The following ARHGAP22 variants were observed in gnomAD, a reference collection of about 807,000 sequenced individuals.
The protein encoded by ARHGAP22 is rho GTPase-activating protein 22.
Under a neutral mutation model 59.1 loss-of-function variants are expected in ARHGAP22, and 48 were observed. The ratio of observed to expected loss-of-function variants is 0.81; its 90% CI spans 0.64 to 1.03. The LOEUF (loss-of-function observed/expected upper bound fraction) is 1.03, where lower values mean the gene tolerates loss of function less well. Ranked by LOEUF, ARHGAP22 falls within the 50% of genes least tolerant of loss-of-function variation. The pLI, the probability that ARHGAP22 is intolerant of heterozygous loss-of-function variation, is 0.00. For missense variants in ARHGAP22, 1,015 were observed against 958.7 expected (o/e 1.06, Z -0.78); for synonymous variants, 445 against 416.4 (o/e 1.07, Z -0.84).
chr10:48,567,211 C>T (rs1305087856), intron 2 of ARHGAP22, among the ~76,000 whole-genome samples: 1 of 152,236 alleles, frequency 6.6e-6, no homozygotes, highest in Non-Finnish European at 1.5e-5. Context: ...CACTGTATTC[C>T]TGAGCCCTGC....
intron 3 of ARHGAP22, among the ~76,000 whole-genome samples, chr10:48,530,111 T>A (rs1434009933): frequency 6.6e-6 from 1 of 151,830 alleles, no homozygotes. Context: ...GTGGTGGTCA[T>A]CTGTATTCCC....
At chr10:48,546,314 G>A (rs933469193) in intron 3 of ARHGAP22, among the ~76,000 whole-genome samples, 67 of 152,224 alleles carry the variant, frequency 4.4e-4, no homozygotes, top group African/African-American at 1.6e-3. Context: ...TCTACCCTGA[G>A]TGATCTTTCT....
chr10:48,479,414 A>G (rs2049056024), intron 4 of ARHGAP22, among the ~76,000 whole-genome samples: 1 of 152,110 alleles, frequency 6.6e-6, no homozygotes, highest in African/African-American at 2.4e-5. Context: ...GTACATTTAG[A>G]TGTCTAATAC....
In ARHGAP22 at chr10:48,523,041, T is replaced by C. The variant is rs550049221; in HGVS notation, c.322+32422A>G. ...GTACATTGATGGCACCATTCTCACC[T>C]GGACAAGGTCGAAGGCTGCCTGACC... On this transcript the variant is annotated intron_variant, in intron 3 of 9. Coordinates refer to ENST00000249601, the MANE Select transcript of ARHGAP22 (RefSeq NM_021226.4). Among the ~76,000 whole-genome samples the C allele has an allele frequency of 5.3e-4, 81 of 152,370 alleles. 1 individual carries two copies. Among genetic ancestry groups the C allele is most frequent in the Non-Finnish European group, 7.8e-4 (53 of 68,028 alleles).
intron 3 of ARHGAP22, among the ~76,000 whole-genome samples, chr10:48,486,060 A>T (rs2049829023): frequency 6.6e-6 from 1 of 151,790 alleles, no homozygotes; most frequent in South Asian, 2.1e-4. Flanking sequence ...TTTGTTTTTA[A>T]TGACTTCATT....
At chr10:48,551,802 T>C (rs2056915124) in intron 3 of ARHGAP22, among the ~76,000 whole-genome samples, 1 of 152,226 alleles carries the variant, frequency 6.6e-6, no homozygotes, top group South Asian at 2.1e-4. Context: ...ACCAGAGGTG[T>C]ATGCTGTATC....
intron 3 of ARHGAP22, among the ~76,000 whole-genome samples, chr10:48,545,714 C>T (rs972994340): frequency 2.0e-5 from 3 of 152,190 alleles, no homozygotes; most frequent in African/African-American, 7.2e-5. Flanking sequence ...GTCAGGCCTC[C>T]CTTTAAGACA....
chr10:48,591,547 G>A (rs1027631359), intron 1 of ARHGAP22, among the ~76,000 whole-genome samples: 1 of 152,284 alleles, frequency 6.6e-6, no homozygotes, highest in Admixed American at 6.5e-5. Context: ...ATAAGATACC[G>A]CACTGTGTAC....
downstream of ARHGAP22, among the ~76,000 whole-genome samples, chr10:48,442,229 C>A (rs966770366): frequency 2.9e-4 from 44 of 152,296 alleles, no homozygotes; most frequent in Non-Finnish European, 5.6e-4. Context: ...TGGGGCTGTG[C>A]TTTGTCATCT....
intron 3 of ARHGAP22, among the ~76,000 whole-genome samples, chr10:48,505,272 C>T (rs907431902): frequency 6.6e-6 from 1 of 152,064 alleles, no homozygotes; most frequent in Non-Finnish European, 1.5e-5. Context: ...CCAGGCTGGT[C>T]TCGAACTCCT....
intron 3 of ARHGAP22, among the ~76,000 whole-genome samples, chr10:48,534,643 A>C (rs1171739198): frequency 6.6e-6 from 1 of 152,248 alleles, no homozygotes; most frequent in Non-Finnish European, 1.5e-5. Flanking sequence ...CATTCTGCAT[A>C]AATTAACTCA....
intron 3 of ARHGAP22, among the ~76,000 whole-genome samples, chr10:48,533,480 AG>A (rs1206954365): frequency 6.6e-6 from 1 of 152,196 alleles, no homozygotes. Flanking sequence ...GCATTTTCTC[AG>A]GCTCTCAATT....
intron 1 of ARHGAP22, among the ~76,000 whole-genome samples, chr10:48,632,549 T>G (rs2061663727): frequency 6.6e-6 from 1 of 152,220 alleles, no homozygotes; most frequent in African/African-American, 2.4e-5. Flanking sequence ...TTTCAAGATT[T>G]TCTCTGTCTT....
rs184172331 is a variant in ARHGAP22 at position 48,564,798 on chromosome 10, G to A, written c.235-9248C>T. 5.0e-4 allele frequency among the ~76,000 whole-genome samples: 76 copies of A among 152,330 alleles called. 1 individual carries two copies. In the East Asian group the frequency reaches 0.014, roughly 29 times the overall value. On this transcript the variant is annotated intron_variant, in intron 2 of 9. Transcript: ENST00000249601. ...CAGTCCCCTCAAGCTTCCTCAGACT[G>A]AAATAAAGTGGCAAGTACTTTCCAG...
At chr10:48,626,151 G>T (rs893329434) in intron 1 of ARHGAP22, among the ~76,000 whole-genome samples, 5 of 152,264 alleles carry the variant, frequency 3.3e-5, no homozygotes, top group African/African-American at 1.2e-4. Context: ...TATTATGCTG[G>T]TTTCTTACAC....
At chr10:48,546,722 C>T (rs1379383488) in intron 3 of ARHGAP22, 2 of 154,790 alleles carry the variant, frequency 1.3e-5, no homozygotes, top group African/African-American at 4.8e-5. Flanking sequence ...AATCCTGAAG[C>T]TAAAGATAAA....
chr10:48,603,712 G>C (rs534299934), intron 1 of ARHGAP22, among the ~76,000 whole-genome samples: 1 of 152,296 alleles, frequency 6.6e-6, no homozygotes, highest in South Asian at 2.1e-4. Flanking sequence ...GGGTACACAG[G>C]GTTCAGCCCA....
chr10:48,489,757 G>T (rs539273267), intron 3 of ARHGAP22, among the ~76,000 whole-genome samples: 1 of 129,326 alleles, frequency 7.7e-6, no homozygotes, highest in African/African-American at 3.0e-5. Context: ...TTTTTGAGAC[G>T]GAGTCTCACA....
At chr10:48,606,669 G>C (rs115651126), upstream of ARHGAP22, among the ~76,000 whole-genome samples, 1 of 152,188 alleles carries the variant, frequency 6.6e-6, no homozygotes, top group African/African-American at 2.4e-5. Flanking sequence ...CTGCTCTCCT[G>C]TGCCTCTGTG....
Sources: allele counts gnomAD v4.1 joint callset (sites outside exome capture counted in the v4.1 genomes callset), GRCh38; gene constraint gnomAD v4.1.1; transcripts MANE v1.5; gene names NCBI Gene and HGNC (gene_info 2026-07-23, HGNC 2026-07-21).